The following EFCAB6 variants were observed in gnomAD, a reference collection of about 807,000 sequenced individuals.
EFCAB6 encodes the protein EF-hand calcium binding domain 6.
In EFCAB6, 156 loss-of-function variants were observed where a neutral mutation model predicts 169.8. That is an observed-to-expected ratio of 0.92 (90% CI 0.81 to 1.05). The LOEUF is 1.05. EFCAB6 is among the 50% of genes least tolerant of loss of function. The probability of loss-of-function intolerance (pLI) is 0.00; values close to 1 mark genes in which losing one functional copy is unlikely to be tolerated. For missense variants in EFCAB6, 1,800 were observed against 1,829.1 expected, an observed-to-expected ratio of 0.98 and a Z score of 0.29; for synonymous variants, 698 against 676.4, an observed-to-expected ratio of 1.03 and a Z score of -0.50.
intron 24 of EFCAB6, among the ~76,000 whole-genome samples, chr22:43,588,502 G>A (rs902886207): frequency 6.6e-6 from 1 of 151,914 alleles, no homozygotes; most frequent in Non-Finnish European, 1.5e-5. Context: ...AGAAGGACTG[G>A]GAGCTAAAAC....
At chr22:43,691,437 C>A (rs945901790) in intron 10 of EFCAB6, among the ~76,000 whole-genome samples, 1 of 151,960 alleles carries the variant, frequency 6.6e-6, no homozygotes, top group Non-Finnish European at 1.5e-5. Context: ...CTTAGTATTA[C>A]ATACTAAAAT....
At chr22:43,695,035 G>A (rs75533335) in intron 10 of EFCAB6, among the ~76,000 whole-genome samples, 2,883 of 151,970 alleles carry the variant, frequency 0.019, 95 homozygotes, top group African/African-American at 0.066. Flanking sequence ...AACAAAATAA[G>A]AGGCATACAG....
chr22:43,568,667 C>T (rs551536004), intron 26 of EFCAB6, among the ~76,000 whole-genome samples: 1 of 152,172 alleles, frequency 6.6e-6, no homozygotes, highest in African/African-American at 2.4e-5. Flanking sequence ...TGAGCAGTGT[C>T]CCCCGCACCA....
chr22:43,672,041 A>G lies in EFCAB6; in HGVS notation c.1572T>C (p.Ile524=). 2 of 1,614,212 alleles carry G rather than the reference A, an allele frequency of 1.2e-6. No individual in the cohort carries two copies. The highest frequency in any genetic ancestry group is 2.2e-5 in the South Asian group (2 of 91,082). Residue 524 remains isoleucine, a synonymous_variant, in exon 15 of 32, where the codon ATT becomes ATC. Coordinates refer to ENST00000262726, the MANE Select transcript of EFCAB6 (RefSeq NM_022785.4). ...RSYDLGDTGR[I]GRNNFKKIMH... is the part of the protein sequence containing the mutation. ...TGATTTTCTTGAAATTATTTCGGCC[A>G]ATGCGCCCTGTGTCTCCAAGGTCAT...
intron 23 of EFCAB6, among the ~76,000 whole-genome samples, chr22:43,599,608 C>T (rs935917679): frequency 2.2e-5 from 3 of 139,094 alleles, no homozygotes; most frequent in Non-Finnish European, 4.6e-5. Flanking sequence ...TGAATTATTT[C>T]TTCGGGATCA....
chr22:43,535,183 G>A (rs542632241), intron 29 of EFCAB6: 11 of 268,610 alleles, frequency 4.1e-5, no homozygotes, highest in East Asian at 3.7e-4. Flanking sequence ...GTTCCCCGCC[G>A]TGTCAGGGCA....
chr22:43,659,108 T>C (rs908658450), intron 17 of EFCAB6, among the ~76,000 whole-genome samples: 2 of 152,218 alleles, frequency 1.3e-5, no homozygotes, highest in African/African-American at 4.8e-5. Flanking sequence ...ATCCAGCACA[T>C]GCGGGAGAAA....
chr22:43,683,683 T>C (rs1182475685), intron 12 of EFCAB6, 64 bp downstream of exon 12: 26 of 1,188,274 alleles, frequency 2.2e-5, no homozygotes, highest in Middle Eastern at 2.2e-4. Context: ...ATTGGTCTTG[T>C]TCTGAGTGTT....
chr22:43,576,928 C>T (rs756329278), intron 25 of EFCAB6, among the ~76,000 whole-genome samples: 2 of 152,142 alleles, frequency 1.3e-5, no homozygotes, highest in African/African-American at 4.8e-5. Context: ...GAGACCCCAC[C>T]GCATCACATC....
At chr22:43,604,187 G>A (rs543927173) in intron 22 of EFCAB6, among the ~76,000 whole-genome samples, 12 of 152,008 alleles carry the variant, frequency 7.9e-5, no homozygotes, top group Admixed American at 2.6e-4. Flanking sequence ...TTCTTTATAC[G>A]TTACCCAGTC....
intron 10 of EFCAB6, among the ~76,000 whole-genome samples, chr22:43,710,793 C>T (rs776241035): frequency 1.3e-5 from 2 of 152,116 alleles, no homozygotes; most frequent in African/African-American, 4.8e-5. Flanking sequence ...CCCCCCACTC[C>T]CCACAAAATG....
At chr22:43,806,915 G>A (rs1371238261) in intron 2 of EFCAB6, among the ~76,000 whole-genome samples, 1 of 152,200 alleles carries the variant, frequency 6.6e-6, no homozygotes, top group Admixed American at 6.5e-5. Context: ...AAAGCCACTC[G>A]TAATTCCATC....
chr22:43,735,193 G>A (rs1438768716), intron 7 of EFCAB6, among the ~76,000 whole-genome samples: 1 of 152,048 alleles, frequency 6.6e-6, no homozygotes, highest in Non-Finnish European at 1.5e-5. Flanking sequence ...TTTATAGGAG[G>A]CTCAAAAAAA....
intron 21 of EFCAB6, among the ~76,000 whole-genome samples, chr22:43,610,828 C>T (rs750397290): frequency 6.6e-6 from 1 of 152,128 alleles, no homozygotes; most frequent in African/African-American, 2.4e-5. Flanking sequence ...TTGGAAGTTA[C>T]CACTGTCCCA....
chr22:43,589,064 A>G (rs2051269830), intron 24 of EFCAB6, among the ~76,000 whole-genome samples: 1 of 152,072 alleles, frequency 6.6e-6, no homozygotes, highest in South Asian at 2.1e-4. Flanking sequence ...GTAGTAAGTC[A>G]ATAGAAACTG....
intron 3 of EFCAB6, among the ~76,000 whole-genome samples, chr22:43,777,305 C>T (rs1015399097): frequency 5.9e-5 from 9 of 152,138 alleles, no homozygotes; most frequent in African/African-American, 1.7e-4. Flanking sequence ...GATATACGAT[C>T]GGGAGCTTAG....
At chr22:43,567,939 A>G (rs2049559402) in intron 26 of EFCAB6, among the ~76,000 whole-genome samples, 1 of 152,202 alleles carries the variant, frequency 6.6e-6, no homozygotes, top group Non-Finnish European at 1.5e-5. Context: ...CCGAAGTCCA[A>G]CCACCTACCA....
chr22:43,617,856 C>T (rs2053802268), intron 20 of EFCAB6, among the ~76,000 whole-genome samples: 1 of 151,996 alleles, frequency 6.6e-6, no homozygotes, highest in Admixed American at 6.6e-5. Flanking sequence ...GTAATCCCAG[C>T]ACTTTGTGAG....
rs190625661 is a variant in EFCAB6, at chr22:43,768,974, C to T, written c.352-3581G>A. Among the ~76,000 whole-genome samples the T allele has an allele frequency of 3.3e-5, 5 of 152,294 alleles. No homozygotes were observed. In the East Asian group the frequency reaches 9.6e-4, roughly 29 times the overall value. ...AAAGCAAAAGAACACTACCATATGA[C>T]ATGGCAGTTCTCCCCTAGGTATGTA... is the stretch of plus-strand genomic sequence containing the variant. On this transcript the variant is annotated intron_variant, in intron 4 of 31. Transcript: ENST00000262726.
Sources: allele counts gnomAD v4.1 joint callset (sites outside exome capture counted in the v4.1 genomes callset), GRCh38; gene constraint gnomAD v4.1.1; transcripts MANE v1.5; gene names NCBI Gene and HGNC (gene_info 2026-07-23, HGNC 2026-07-21).